SLC43A2: variants seen among roughly 807,000 people sequenced by gnomAD.
The protein encoded by SLC43A2 is large neutral amino acids transporter small subunit 4.
Under a neutral mutation model 63.2 loss-of-function variants are expected in SLC43A2, and 38 were observed. That is an observed-to-expected ratio of 0.60 (90% CI 0.46 to 0.79). The LOEUF (loss-of-function observed/expected upper bound fraction) is 0.79, where lower values mean the gene tolerates loss of function less well. Ranked by LOEUF, SLC43A2 falls within the 30% of genes least tolerant of loss-of-function variation. SLC43A2 has a pLI of 0.00. For synonymous variants in SLC43A2, 322 were observed against 331.0 expected (o/e 0.97, Z 0.30); for missense variants, 644 against 756.2 (o/e 0.85, Z 1.74).
intron 8 of SLC43A2, 135 bp downstream of exon 8, chr17:1,591,134 C>G (rs1228741207): frequency 1.5e-5 from 19 of 1,308,366 alleles, no homozygotes; most frequent in Non-Finnish European, 1.9e-5. Flanking sequence ...TTCCCTCCCC[C>G]AGGCCTTCCT....
chr17:1,603,684 C>T (rs1906295422), intron 5 of SLC43A2, among the ~76,000 whole-genome samples: 1 of 152,142 alleles, frequency 6.6e-6, no homozygotes, highest in Non-Finnish European at 1.5e-5. Flanking sequence ...ACTCGGCAGG[C>T]TGAGGCAGGA....
At chr17:1,575,897 G>A in intron 13 of SLC43A2, 132 bp from the exon 14 acceptor site, 5 of 1,051,604 alleles carry the variant, frequency 4.8e-6, no homozygotes, top group South Asian at 1.6e-5. Flanking sequence ...GAAGGCCCAC[G>A]AGGTCCCATA....
chr17:1,601,066 GTGTT>G (rs60232078), intron 5 of SLC43A2, among the ~76,000 whole-genome samples: 27,587 of 150,318 alleles, frequency 0.18, 2,760 homozygotes, highest in Non-Finnish European at 0.23. Context: ...CAGTTTGGTG[GTGTT>G]TGTTTGTTTG....
chr17:1,626,346 C>T (rs1006896340), intron 2 of SLC43A2, among the ~76,000 whole-genome samples: 10 of 152,078 alleles, frequency 6.6e-5, no homozygotes, highest in African/African-American at 2.2e-4. Context: ...TTGGCCAAAG[C>T]AGAAAGCTTG....
rs2075904456 is a variant in SLC43A2, at chr17:1,575,248, G to A, written c.*356C>T. On this transcript the variant is annotated 3_prime_UTR_variant, in exon 14 of 14. Coordinates refer to ENST00000301335, the MANE Select transcript of SLC43A2 (RefSeq NM_152346.3). ...AGGGGCAGGTGGCAGGCAGGGGATG[G>A]CAGCCCCCTCTGCTTTGGCAAGAGG... 2 of 368,420 alleles carry A rather than the reference G, an allele frequency of 5.4e-6. No homozygotes were observed. The highest frequency in any genetic ancestry group is 1.0e-5 in the Non-Finnish European group (2 of 198,036). The allele number at this position is 368,420 out of a possible 1,614,324, so 22.8% of individuals were successfully genotyped here. A position where few individuals can be genotyped will look rare whatever the true frequency, so the allele number is the denominator to read the frequency against.
At chr17:1,619,705 A>C (rs1907981046) in intron 2 of SLC43A2, among the ~76,000 whole-genome samples, 1 of 152,246 alleles carries the variant, frequency 6.6e-6, no homozygotes, top group Admixed American at 6.5e-5. Context: ...CTCTGCCAGC[A>C]GCAAAGGAAT....
chr17:1,579,460 C>CAA (rs796090950), intron 11 of SLC43A2, among the ~76,000 whole-genome samples: 1 of 101,276 alleles, frequency 9.9e-6, no homozygotes, highest in South Asian at 2.9e-4. Flanking sequence ...GACTCTGTCT[C>CAA]AAAAAAAAAA....
At chr17:1,575,814 G>A (rs914240506) in intron 13 of SLC43A2, 49 bp from the exon 14 acceptor site, 1 of 1,551,378 alleles carries the variant, frequency 6.4e-7, no homozygotes, top group African/African-American at 1.4e-5. Flanking sequence ...GGTGCGCCGA[G>A]GCTGCAGACC....
intron 3 of SLC43A2, among the ~76,000 whole-genome samples, chr17:1,615,821 C>T (rs940180860): frequency 2.9e-5 from 4 of 139,288 alleles, no homozygotes; most frequent in African/African-American, 8.1e-5. Context: ...CTAGCCTGGG[C>T]GACAGAGGGA....
At chr17:1,585,425 T>C (rs1340015186) in intron 10 of SLC43A2, 7 of 330,134 alleles carry the variant, frequency 2.1e-5, no homozygotes, top group Non-Finnish European at 3.2e-5. Context: ...TTTGTATTTT[T>C]AGTAGAGACC....
chr17:1,591,735 G>GCCCCC, intron 6 of SLC43A2, 36 bp from the exon 7 acceptor site: 1 of 652,928 alleles, frequency 1.5e-6, no homozygotes, highest in Non-Finnish European at 2.5e-6. Context: ...GGGGGGGGGA[G>GCCCCC]GGGGCAGAGT....
Position 1,571,001 on chromosome 17 carries a change from C to G in SLC43A2, c.*4603G>C, listed in dbSNP as rs147631316. 1 of 152,510 alleles carries G rather than the reference C, an allele frequency of 6.6e-6. No homozygotes were observed. The highest frequency in any genetic ancestry group is 2.1e-4 in the South Asian group (1 of 4,840). The allele number at this position is 152,510 out of a possible 1,614,324, so 9.4% of individuals were successfully genotyped here. A position where few individuals can be genotyped will look rare whatever the true frequency, so the allele number is the denominator to read the frequency against. Reference sequence around the variant, plus strand: ...GGTGGCGCCTCGGTCTGAGAAGGGTCGAGGTCTGGGTGCTGCTAGTGGCCC... The same window carrying G: ...GGTGGCGCCTCGGTCTGAGAAGGGTGGAGGTCTGGGTGCTGCTAGTGGCCC... On this transcript the variant is annotated 3_prime_UTR_variant, in exon 14 of 14. Transcript: ENST00000301335. This position sits in a 1 kb window ranked among gnomAD's most constrained non-coding sequence, Gnocchi z 5.2.
rs532669079 is a variant in SLC43A2 at position 1,591,639 on chromosome 17, C to G, written c.655G>C (p.Gly219Arg). Residue 219 changes from glycine to arginine, a missense_variant, in exon 7 of 14, where the codon GGG (glycine) becomes CGG (arginine). Coordinates refer to ENST00000301335, the MANE Select transcript of SLC43A2 (RefSeq NM_152346.3). Reference sequence around the variant, plus strand: ...AAGAAGCAGTTGAGGAAAACCAGCCCGGAGCAGCCGGCCCAGACCACGAGG... The same window carrying G: ...AAGAAGCAGTTGAGGAAAACCAGCCGGGAGCAGCCGGCCCAGACCACGAGG... ...VVLVVWAGCS[G>R]LVFLNCFFNW... The G allele has an allele frequency of 6.5e-7, 1 of 1,546,046 alleles. No homozygotes were observed. Among genetic ancestry groups the G allele is most frequent in the Non-Finnish European group, 8.7e-7 (1 of 1,145,534 alleles).
At chr17:1,587,426 A>G (rs997216174) in intron 9 of SLC43A2, among the ~76,000 whole-genome samples, 6 of 152,220 alleles carry the variant, frequency 3.9e-5, no homozygotes, top group African/African-American at 7.2e-5. Flanking sequence ...ATGCCCAGCC[A>G]AGGCATCTGA....
At position 1,587,857 on chromosome 17, in the gene SLC43A2, G is replaced by A. The variant is rs546662662; in HGVS notation, c.1079-1806C>T. 5.3e-5 allele frequency among the ~76,000 whole-genome samples: 8 copies of A among 152,346 alleles called. No homozygotes were observed. In the East Asian group the frequency reaches 7.7e-4, roughly 15 times the overall value. ...AGGTGGCCCCTGACTAGGGGGTGGGGGTGCAGGGGGCACCCGACCCATCTG... is the reference window on the plus strand; with the variant it reads ...AGGTGGCCCCTGACTAGGGGGTGGGAGTGCAGGGGGCACCCGACCCATCTG... On this transcript the variant is annotated intron_variant, in intron 9 of 13. Transcript: ENST00000301335.
chr17:1,619,841 A>G, intron 2 of SLC43A2, among the ~76,000 whole-genome samples: 1 of 152,234 alleles, frequency 6.6e-6, no homozygotes, highest in East Asian at 1.9e-4. Context: ...GCCAGGGCCC[A>G]GGATGGGTGA....
intron 2 of SLC43A2, among the ~76,000 whole-genome samples, chr17:1,625,813 TCA>T (rs1250456038): frequency 2.6e-5 from 4 of 152,092 alleles, no homozygotes; most frequent in Non-Finnish European, 1.5e-5. Flanking sequence ...CCCTTCACCT[TCA>T]CTTTGGTTTA....
intron 10 of SLC43A2, chr17:1,585,595 CCAGG>C: frequency 9.1e-7 from 1 of 1,096,674 alleles, no homozygotes; most frequent in Non-Finnish European, 1.2e-6. Flanking sequence ...GCCATGTTTC[CCAGG>C]CTGGTCTCCA....
At chr17:1,629,882 C>G (rs551277289), upstream of SLC43A2, among the ~76,000 whole-genome samples, 1 of 152,360 alleles carries the variant, frequency 6.6e-6, no homozygotes, top group East Asian at 1.9e-4. Context: ...TAACCCGACC[C>G]GGGAAGACCC....
Sources: gnomAD v4.1 joint callset for allele counts (sites outside exome capture counted in the v4.1 genomes callset) on GRCh38, gnomAD v4.1.1 for gene constraint, Gnocchi (gnomAD v3.1) non-coding constraint, MANE v1.5 for transcripts, NCBI Gene and HGNC (gene_info 2026-07-23, HGNC 2026-07-21) for gene names.